The following MYO10 variants were observed in gnomAD, a reference collection of about 807,000 sequenced individuals.
MYO10 encodes unconventional myosin-X.
In MYO10, 133 loss-of-function variants were observed where a neutral mutation model predicts 257.3. The observed-to-expected ratio is 0.52, with a 90% confidence interval of 0.45 to 0.60. The LOEUF (loss-of-function observed/expected upper bound fraction) is 0.60, where lower values mean the gene tolerates loss of function less well. Among genes scored for constraint, MYO10 ranks in the 20% least tolerant of loss-of-function variants. The pLI is 0.00. For synonymous variants in MYO10, 1,104 were observed against 1,028.6 expected (o/e 1.07, Z -1.40); for missense variants, 2,399 against 2,635.7 (o/e 0.91, Z 1.97).
chr5:16,756,733 C>T lies in MYO10; in HGVS notation c.1848+1385G>A, dbSNP rs1036205768. 7.2e-5 allele frequency among the ~76,000 whole-genome samples: 11 copies of T among 152,138 alleles called. No individual in the cohort carries two copies. In the South Asian group the frequency reaches 8.3e-4, roughly 11 times the overall value. On this transcript the variant is annotated intron_variant, in intron 18 of 40. Coordinates refer to ENST00000513610, the MANE Select transcript of MYO10 (RefSeq NM_012334.3). ...TGTGTCTGGGCTCTTCTCCTGCCTT[C>T]GCCTGCACCTGGAAAGCTCACCCAC...
At chr5:16,906,598 A>G (rs1199163703) in intron 1 of MYO10, among the ~76,000 whole-genome samples, 1 of 152,176 alleles carries the variant, frequency 6.6e-6, no homozygotes, top group Non-Finnish European at 1.5e-5. Context: ...GGATGTCAGA[A>G]GCCAGCATGG....
intron 2 of MYO10, among the ~76,000 whole-genome samples, chr5:16,820,011 A>G (rs1367373747): frequency 1.3e-5 from 2 of 152,218 alleles, no homozygotes; most frequent in Non-Finnish European, 2.9e-5. Context: ...AGACAGTCCT[A>G]GTGGCCCCAT....
At chr5:16,779,243 GT>G (rs1029342417) in intron 9 of MYO10, among the ~76,000 whole-genome samples, 17 of 152,222 alleles carry the variant, frequency 1.1e-4, no homozygotes, top group African/African-American at 3.9e-4. Flanking sequence ...GATTTGGGGG[GT>G]TTTTTGGGGG....
chr5:16,672,494 C>T (rs750426577), intron 37 of MYO10, among the ~76,000 whole-genome samples, 195 bp downstream of exon 37: 3 of 152,046 alleles, frequency 2.0e-5, no homozygotes, highest in Admixed American at 6.6e-5. Flanking sequence ...AGTTACATCA[C>T]GTAAGACCGT....
Position 16,670,817 on chromosome 5 carries a change from G to A in MYO10, c.5592C>T (p.Ile1864=). ...VYSLQRLKAR[I]SQSTKTFTPC... ...GGGTGAAGGTTTTGGTTGACTGGCT[G>A]ATGCGGGCCTTGAGTCTCTGCAGGG... Residue 1864 remains isoleucine (I), a synonymous_variant, in exon 39 of 41, where the codon ATC becomes ATT. Coordinates refer to ENST00000513610, the MANE Select transcript of MYO10 (RefSeq NM_012334.3). The A allele has an allele frequency of 6.2e-7, 1 of 1,614,050 alleles. No homozygotes were observed. Among genetic ancestry groups the A allele is most frequent in the Non-Finnish European group, 8.5e-7 (1 of 1,179,902 alleles).
intron 2 of MYO10, among the ~76,000 whole-genome samples, chr5:16,858,228 G>C (rs550355106): frequency 2.0e-5 from 3 of 152,000 alleles, no homozygotes; most frequent in African/African-American, 7.3e-5. Flanking sequence ...TATGCTTCTC[G>C]TGAGTTTTTC....
intron 10 of MYO10, among the ~76,000 whole-genome samples, chr5:16,768,664 CTTTTTTTTTTTT>C (rs34950225): frequency 0.028 from 1,968 of 70,374 alleles, 72 homozygotes; most frequent in African/African-American, 0.1. Context: ...TTTCTCTTTT[CTTTTTTTTTTTT>C]TTTTTTTTTT....
At chr5:16,748,073 CT>C (rs1740261320) in intron 19 of MYO10, among the ~76,000 whole-genome samples, 1 of 150,244 alleles carries the variant, frequency 6.7e-6, no homozygotes, top group African/African-American at 2.4e-5. Context: ...AATATTTTGT[CT>C]TTGTTTTTTT....
intron 10 of MYO10, among the ~76,000 whole-genome samples, chr5:16,768,101 A>T (rs1036657298): frequency 6.6e-6 from 1 of 152,086 alleles, no homozygotes; most frequent in African/African-American, 2.4e-5. Context: ...ACATTTGAGA[A>T]TTACTGGCCT....
chr5:16,732,201 C>A (rs1376256766), intron 19 of MYO10, among the ~76,000 whole-genome samples: 1 of 152,010 alleles, frequency 6.6e-6, no homozygotes, highest in African/African-American at 2.4e-5. Flanking sequence ...AAGAGACTTT[C>A]AGAAAAACCC....
At chr5:16,845,041 T>C (rs1743592471) in intron 2 of MYO10, among the ~76,000 whole-genome samples, 1 of 152,066 alleles carries the variant, frequency 6.6e-6, no homozygotes, top group African/African-American at 2.4e-5. Context: ...CAATTGACAC[T>C]TTAACTTGAT....
chr5:16,675,981 G>T (rs759009851), intron 34 of MYO10, 50 bp downstream of exon 34: 24 of 1,560,224 alleles, frequency 1.5e-5, no homozygotes, highest in Middle Eastern at 3.4e-4. Flanking sequence ...AGTTAGCAGG[G>T]CAAGTGGAAT....
chr5:16,723,304 C>A (rs182272863), intron 19 of MYO10, among the ~76,000 whole-genome samples: 6 of 151,910 alleles, frequency 3.9e-5, no homozygotes, highest in African/African-American at 1.5e-4. Flanking sequence ...AGGAGAATGG[C>A]GTGAACCTGG....
At chr5:16,920,163 G>A (rs78453449) in intron 1 of MYO10, among the ~76,000 whole-genome samples, 10,013 of 150,686 alleles carry the variant, frequency 0.066, 371 homozygotes, top group African/African-American at 0.11. Flanking sequence ...AAACCCAGCT[G>A]CTTGGGAGTC....
At chr5:16,742,823 A>C (rs1740059936) in intron 19 of MYO10, among the ~76,000 whole-genome samples, 2 of 150,334 alleles carry the variant, frequency 1.3e-5, no homozygotes, top group Non-Finnish European at 3.0e-5. Context: ...AAAAAAAAAA[A>C]ATACATACAT....
chr5:16,919,328 A>C (rs1256705124), intron 1 of MYO10, among the ~76,000 whole-genome samples: 1 of 152,180 alleles, frequency 6.6e-6, no homozygotes, highest in East Asian at 1.9e-4. Context: ...CAGTGAGCAG[A>C]GATCATGCCA....
At chr5:16,676,201 T>C in intron 33 of MYO10, 47 bp from the exon 34 acceptor site, 2 of 1,596,904 alleles carry the variant, frequency 1.3e-6, no homozygotes, top group South Asian at 1.1e-5. Flanking sequence ...TGTATTTTCC[T>C]ACATATAAAT....
chr5:16,820,727 G>A (rs1205172969), intron 2 of MYO10, among the ~76,000 whole-genome samples: 1 of 151,874 alleles, frequency 6.6e-6, no homozygotes, highest in Non-Finnish European at 1.5e-5. Flanking sequence ...ATTTTTACTT[G>A]TATTTATAGA....
intron 2 of MYO10, among the ~76,000 whole-genome samples, chr5:16,860,699 G>C (rs1744082222): frequency 6.6e-6 from 1 of 152,090 alleles, no homozygotes; most frequent in Non-Finnish European, 1.5e-5. Flanking sequence ...GCTCTTAAGA[G>C]AGTCAACGGA....
Sources: allele counts gnomAD v4.1 joint callset (sites outside exome capture counted in the v4.1 genomes callset), GRCh38; gene constraint gnomAD v4.1.1; transcripts MANE v1.5; gene names NCBI Gene and HGNC (gene_info 2026-07-23, HGNC 2026-07-21).